Variants in ZMAT4 observed in about 807,000 individuals in gnomAD.
The protein encoded by ZMAT4 is zinc finger matrin-type protein 4.
ZMAT4 carries 17 observed loss-of-function variants against 28.7 expected under a neutral mutation model. That is an observed-to-expected ratio of 0.59 (90% CI 0.41 to 0.89). ZMAT4 has a LOEUF of 0.89. Ranked by LOEUF, ZMAT4 falls within the 40% of genes least tolerant of loss-of-function variation. The pLI is 0.00. For synonymous variants in ZMAT4, 117 were observed against 109.2 expected, an observed-to-expected ratio of 1.07 and a Z score of -0.44; for missense variants, 240 against 283.8, an observed-to-expected ratio of 0.85 and a Z score of 1.11.
At chr8:40,652,805 T>C (rs1269236218) in intron 5 of ZMAT4, among the ~76,000 whole-genome samples, 5 of 138,184 alleles carry the variant, frequency 3.6e-5, no homozygotes, top group African/African-American at 1.0e-4. Flanking sequence ...AAATTGGAAA[T>C]CATCATTCTC....
intron 3 of ZMAT4, among the ~76,000 whole-genome samples, chr8:40,709,953 T>C (rs1351223216): frequency 3.3e-5 from 5 of 150,960 alleles, no homozygotes; most frequent in Admixed American, 1.3e-4. Flanking sequence ...CAGGAGAATC[T>C]CGTGAACCCC....
At chr8:40,573,886 A>C (rs1031226101) in intron 6 of ZMAT4, among the ~76,000 whole-genome samples, 4 of 152,228 alleles carry the variant, frequency 2.6e-5, no homozygotes, top group African/African-American at 9.6e-5. Flanking sequence ...TGGCAAAGTC[A>C]CAAGAGGATT....
At chr8:40,666,010 A>C (rs1176977375) in intron 5 of ZMAT4, among the ~76,000 whole-genome samples, 1 of 152,224 alleles carries the variant, frequency 6.6e-6, no homozygotes, top group Non-Finnish European at 1.5e-5. Context: ...CTCTGCAACA[A>C]TAAAATAACT....
chr8:40,730,852 C>T lies in ZMAT4; in HGVS notation c.193-33451G>A, dbSNP rs540767403. Among the ~76,000 whole-genome samples the T allele has an allele frequency of 3.3e-5, 5 of 152,252 alleles. No homozygotes were observed. The South Asian group carries it at 8.3e-4, about 25-fold the overall frequency. ...TCTATCTAATGTAACTGTTTTGGAA[C>T]TCTGGAGTCCATTGAAGGCTTGCAA... On this transcript the variant is annotated intron_variant, in intron 3 of 6. Transcript: ENST00000297737.
At chr8:40,620,620 A>T (rs1438495292) in intron 5 of ZMAT4, among the ~76,000 whole-genome samples, 2 of 152,248 alleles carry the variant, frequency 1.3e-5, no homozygotes, top group Admixed American at 6.5e-5. Flanking sequence ...GACAGAAATT[A>T]TCCAATTAAC....
In ZMAT4 at chr8:40,674,825, G is replaced by A. The variant is rs141980582; in HGVS notation, c.456C>T (p.Ala152=). The A allele has an allele frequency of 3.5e-5, 56 of 1,613,924 alleles. No homozygotes were observed. In the African/African-American group the frequency reaches 6.5e-4, roughly 19 times the overall value. The change falls in exon 5 of 7, where the codon GCC becomes GCT. Residue 152 remains alanine, a synonymous_variant. Coordinates refer to ENST00000297737, the MANE Select transcript of ZMAT4 (RefSeq NM_024645.3). ...GGGCCATCAGAGGGTTATTAAACCA[G>A]GCTGCACAGAGCCCACAGTATCTGT... ...DSDRYCGLCA[A]WFNNPLMAQQ...
intron 3 of ZMAT4, among the ~76,000 whole-genome samples, chr8:40,721,064 G>T (rs904919820): frequency 3.4e-5 from 5 of 149,042 alleles, no homozygotes; most frequent in Middle Eastern, 3.2e-3. Context: ...TGCCATGCTG[G>T]TGCACTGCAC....
rs372280016 is a variant in ZMAT4 at position 40,892,179 on chromosome 8, A to G, written c.-5+5504T>C. On this transcript the variant is annotated intron_variant, in intron 1 of 6. Coordinates refer to ENST00000297737, the MANE Select transcript of ZMAT4 (RefSeq NM_024645.3). Reference sequence around the variant, plus strand: ...GTCTTACCCAGAGTGATCCCATGCTATGGGCCCATCTTATTTCATTTATCC... The same window carrying G: ...GTCTTACCCAGAGTGATCCCATGCTGTGGGCCCATCTTATTTCATTTATCC... Among the ~76,000 whole-genome samples the G allele has an allele frequency of 2.6e-4, 39 of 151,538 alleles. 1 individual carries two copies. The highest frequency in any genetic ancestry group is 8.4e-4 in the African/African-American group (35 of 41,430).
chr8:40,811,448 C>T (rs1000627929), intron 2 of ZMAT4, among the ~76,000 whole-genome samples: 1 of 152,190 alleles, frequency 6.6e-6, no homozygotes, highest in Admixed American at 6.5e-5. Flanking sequence ...GACAGCACTA[C>T]ACACAGGAGA....
At chr8:40,672,834 A>C (rs894711531) in intron 5 of ZMAT4, among the ~76,000 whole-genome samples, 7 of 152,328 alleles carry the variant, frequency 4.6e-5, no homozygotes, top group Admixed American at 3.9e-4. Context: ...CTTTAACAAG[A>C]CATAGACTGA....
chr8:40,781,703 A>G (rs2150572235), intron 2 of ZMAT4, among the ~76,000 whole-genome samples: 1 of 131,984 alleles, frequency 7.6e-6, no homozygotes, highest in East Asian at 2.3e-4. Flanking sequence ...CGGAGCTTGC[A>G]GTGAGCCGAG....
At chr8:40,573,856 C>G (rs1264757453) in intron 6 of ZMAT4, among the ~76,000 whole-genome samples, 1 of 152,190 alleles carries the variant, frequency 6.6e-6, no homozygotes, top group Non-Finnish European at 1.5e-5. Context: ...AAAGATTTGT[C>G]AGTGTACAAG....
intron 3 of ZMAT4, among the ~76,000 whole-genome samples, chr8:40,764,154 C>T (rs564375830): frequency 2.0e-5 from 3 of 152,274 alleles, no homozygotes; most frequent in African/African-American, 7.2e-5. Context: ...TCCTTTCTGT[C>T]TCTAACGCTG....
chr8:40,681,576 G>A (rs1313910889), intron 4 of ZMAT4, among the ~76,000 whole-genome samples: 7 of 152,252 alleles, frequency 4.6e-5, no homozygotes, highest in East Asian at 3.9e-4. Flanking sequence ...CCTCACCTCC[G>A]TGCCCACCAC....
Position 40,709,963 on chromosome 8 carries a change from C to G in ZMAT4, c.193-12562G>C, listed in dbSNP as rs370624436. Among the ~76,000 whole-genome samples the G allele has an allele frequency of 2.7e-5, 4 of 148,420 alleles. No individual in the cohort carries two copies. In the East Asian group the frequency reaches 8.1e-4, roughly 30 times the overall value. On this transcript the variant is annotated intron_variant, in intron 3 of 6. Transcript: ENST00000297737. ...TGAGGCAGGAGAATCTCGTGAACCC[C>G]GGAGGTGGAGGTGGCAGTGAGCCGA...
intron 1 of ZMAT4, among the ~76,000 whole-genome samples, chr8:40,854,899 C>T (rs1245740346): frequency 2.0e-5 from 3 of 152,098 alleles, no homozygotes. Flanking sequence ...TTTTAAAGGA[C>T]TCAATTTTTT....
chr8:40,795,590 A>G (rs919161689), intron 2 of ZMAT4, among the ~76,000 whole-genome samples: 2 of 152,200 alleles, frequency 1.3e-5, no homozygotes, highest in African/African-American at 4.8e-5. Flanking sequence ...GTACTGATGC[A>G]TCAGTTGGGA....
At chr8:40,855,255 G>T (rs1417333124) in intron 1 of ZMAT4, among the ~76,000 whole-genome samples, 1 of 152,128 alleles carries the variant, frequency 6.6e-6, no homozygotes, top group East Asian at 1.9e-4. Context: ...GTTTTACCCT[G>T]CAGAGCTAGA....
At chr8:40,847,218 CA>C (rs3070386) in intron 1 of ZMAT4, among the ~76,000 whole-genome samples, 21,019 of 120,366 alleles carry the variant, frequency 0.17, 1,757 homozygotes, top group African/African-American at 0.24. Flanking sequence ...AACAAACAAA[CA>C]AAAAAAAAAA....
Sources: allele counts gnomAD v4.1 joint callset (sites outside exome capture counted in the v4.1 genomes callset), GRCh38; gene constraint gnomAD v4.1.1; transcripts MANE v1.5; gene names NCBI Gene and HGNC (gene_info 2026-07-23, HGNC 2026-07-21).